The following GABRE variants were observed in gnomAD, a reference collection of about 807,000 sequenced individuals.
GABRE encodes gamma-aminobutyric acid receptor subunit epsilon.
GABRE carries 20 observed loss-of-function variants against 31.0 expected under a neutral mutation model. The ratio of observed to expected loss-of-function variants is 0.64; its 90% CI spans 0.45 to 0.94. The LOEUF (loss-of-function observed/expected upper bound fraction) is 0.94. Ranked by LOEUF, GABRE falls within the 40% of genes least tolerant of loss-of-function variation. The pLI, the probability that GABRE is intolerant of heterozygous loss-of-function variation, is 0.00. For synonymous variants in GABRE, 155 were observed against 150.6 expected (o/e 1.03, Z -0.21); for missense variants, 420 against 410.7 (o/e 1.02, Z -0.20).
intron 6 of GABRE, 142 bp from the exon 7 acceptor site, chrX:151,956,002 A>G: frequency 3.4e-6 from 2 of 583,001 alleles, no homozygotes; most frequent in Non-Finnish European, 5.4e-6. Context: ...AATACATACA[A>G]ATAGGACCAG....
intron 1 of GABRE, chrX:151,971,540 G>T: frequency 6.2e-6 from 1 of 161,607 alleles, no homozygotes; most frequent in Non-Finnish European, 1.2e-5. Context: ...TTAATGACTA[G>T]AAATACATAC....
At chrX:151,966,492 C>G (rs1364283539) in intron 3 of GABRE, among the ~76,000 whole-genome samples, 1 of 112,254 alleles carries the variant, frequency 8.9e-6, no homozygotes, top group Non-Finnish European at 1.9e-5. Context: ...TGCTGGGACT[C>G]ACATTTCTGA....
At chrX:151,962,731 C>A in intron 3 of GABRE, 88 bp from the exon 4 acceptor site, 1 of 771,464 alleles carries the variant, frequency 1.3e-6, no homozygotes, top group Non-Finnish European at 2.0e-6. Context: ...ACTCCCTAAC[C>A]TAGAATCCTA....
intron 6 of GABRE, chrX:151,956,967 A>G (rs1158201961): frequency 2.6e-5 from 3 of 114,533 alleles, no homozygotes; most frequent in African/African-American, 6.5e-5. Flanking sequence ...AGCCCAGGAC[A>G]TCATTTTCCA....
rs1139916 is a variant in GABRE at position 151,969,707 on chromosome X, A to T, written c.304T>A (p.Ser102Thr). Residue 102 changes from serine (S) to threonine (T), a missense_variant, in exon 3 of 9, where the codon TCC becomes ACC. Physicochemically the swap from Ser to Thr is moderately conservative, Grantham distance 58. Coordinates refer to ENST00000370328, the MANE Select transcript of GABRE (RefSeq NM_004961.4). ...GAGAGAGGACCAAGGCTGTTGACGG[A>T]GATCTCAACAGTGACCACAGTGGGC... ...EKPTVVTVEI[S>T]VNSLGPLSIL... The T allele has an allele frequency of 2.4e-5, 29 of 1,206,334 alleles. No homozygotes were observed. The highest frequency in any genetic ancestry group is 3.6e-5 in the South Asian group (2 of 56,327).
intron 6 of GABRE, chrX:151,956,085 T>A (rs765737379): frequency 1.5e-5 from 6 of 407,076 alleles, no homozygotes; most frequent in Non-Finnish European, 2.5e-5. Flanking sequence ...AGAATCTTAA[T>A]AGCTTCCTTC....
Position 151,969,697 on chromosome X carries a change from C to T in GABRE, c.314G>A (p.Ser105Asn), listed in dbSNP as rs1220317158. The T allele has an allele frequency of 8.3e-7, 1 of 1,209,387 alleles. No individual in the cohort carries two copies. Among genetic ancestry groups the T allele is most frequent in the Admixed American group, 2.2e-5 (1 of 45,927 alleles). Residue 105 changes from serine (S) to asparagine (N), a missense_variant, in exon 3 of 9, where the codon AGC (serine) becomes AAC (asparagine). Ser to Asn is a conservative substitution (Grantham distance 46). Coordinates refer to ENST00000370328, the MANE Select transcript of GABRE (RefSeq NM_004961.4). Reference sequence around the variant, plus strand: ...GTCTAGGATAGAGAGAGGACCAAGGCTGTTGACGGAGATCTCAACAGTGAC... The same window carrying T: ...GTCTAGGATAGAGAGAGGACCAAGGTTGTTGACGGAGATCTCAACAGTGAC... ...TVVTVEISVN[S>N]LGPLSILDME...
At chrX:151,966,979 G>T (rs1210327371) in intron 3 of GABRE, among the ~76,000 whole-genome samples, 2 of 111,965 alleles carry the variant, frequency 1.8e-5, no homozygotes, top group Non-Finnish European at 3.8e-5. Context: ...TTCAGCTACT[G>T]TGAGTGGGGC....
At chrX:151,961,767 G>A (rs922155130) in intron 4 of GABRE, among the ~76,000 whole-genome samples, 2 of 110,874 alleles carry the variant, frequency 1.8e-5, no homozygotes, top group Admixed American at 1.9e-4. Context: ...GACCTCGCTA[G>A]AATTTAAGAC....
Position 151,965,723 on chromosome X carries a change from G to A in GABRE, c.343-3080C>T, listed in dbSNP as rs556404148. ...ACCCACAACCATGGAGGCGGGCACA[G>A]CCCTCGGGGAAGAAATCAAGAAAAT... On this transcript the variant is annotated intron_variant, in intron 3 of 8. Coordinates refer to ENST00000370328, the MANE Select transcript of GABRE (RefSeq NM_004961.4). Among the ~76,000 whole-genome samples the A allele has an allele frequency of 3.8e-4, 43 of 113,211 alleles. No individual in the cohort carries two copies. In the South Asian group the frequency reaches 0.016, roughly 41 times the overall value.
chrX:151,957,951 G>A, intron 6 of GABRE: 1 of 124,709 alleles, frequency 8.0e-6, no homozygotes, highest in Non-Finnish European at 1.6e-5. Flanking sequence ...GGGCTATGTA[G>A]ACTACAACAG....
intron 1 of GABRE, chrX:151,972,029 G>A (rs770931761): frequency 1.3e-3 from 997 of 749,214 alleles, no homozygotes; most frequent in Non-Finnish European, 1.5e-3. Flanking sequence ...CTACTGGCAC[G>A]TCACACTTCC....
intron 6 of GABRE, chrX:151,959,429 C>T (rs1603096116): frequency 3.6e-6 from 1 of 276,035 alleles, no homozygotes. Context: ...CCACCTCCCA[C>T]TACAATGGAC....
chrX:151,957,137 C>G, intron 6 of GABRE: 1 of 167,426 alleles, frequency 6.0e-6, no homozygotes, highest in Non-Finnish European at 1.1e-5. Flanking sequence ...CACTCAGCAA[C>G]TCTTGCTCCT....
At chrX:151,971,504 T>A in intron 1 of GABRE, 1 of 156,868 alleles carries the variant, frequency 6.4e-6, no homozygotes, top group Non-Finnish European at 1.2e-5. Flanking sequence ...GGTGTAATTA[T>A]GGTATTTTCT....
intron 1 of GABRE, chrX:151,972,716 TAAA>T (rs3831673): frequency 1.7e-6 from 1 of 603,675 alleles, no homozygotes; most frequent in Non-Finnish European, 2.0e-6. Flanking sequence ...TTTTGCCAGT[TAAA>T]AAAAAAAAAC....
rs765229575 is a variant in GABRE at position 151,955,250 on chromosome X, CCTGGGTAACATTCCATCA to C, written c.1137+100_1137+117del. 2.6e-3 allele frequency: 3,120 copies of C among 1,195,173 alleles called. 40 individuals carry two copies. In the African/African-American group the frequency reaches 0.046, roughly 18 times the overall value. ...GAAGTTGATTCAACCCCGCCACCACCCTGGGTAACATTCCATCACTCAGCAAGCTGACCACCCATGTGC... is the reference window on the plus strand; with the variant it reads ...GAAGTTGATTCAACCCCGCCACCACCCTCAGCAAGCTGACCACCCATGTGC... On this transcript the variant is annotated intron_variant, in intron 8 of 8. Transcript: ENST00000370328.
chrX:151,958,475 C>T, intron 6 of GABRE: 2 of 320,347 alleles, frequency 6.2e-6, no homozygotes, highest in Non-Finnish European at 1.2e-5. Flanking sequence ...TAGTCTCCAG[C>T]AGAGGAGAAA....
At chrX:151,964,266 AAAC>A in intron 3 of GABRE, among the ~76,000 whole-genome samples, 1 of 111,781 alleles carries the variant, frequency 8.9e-6, no homozygotes, top group South Asian at 3.8e-4. Context: ...CTCCTCCTCA[AAAC>A]AACTGCCCTG....
Sources: allele counts gnomAD v4.1 joint callset (sites outside exome capture counted in the v4.1 genomes callset), GRCh38; gene constraint gnomAD v4.1.1; transcripts MANE v1.5; gene names NCBI Gene and HGNC (gene_info 2026-07-23, HGNC 2026-07-21).